Variants in OVCH2 observed in about 807,000 individuals in gnomAD.
OVCH2 encodes the protein ovochymase 2, also known as ovochymase-2.
OVCH2 carries 88 observed loss-of-function variants against 73.7 expected under a neutral mutation model. That is an observed-to-expected ratio of 1.19 (90% CI 1.01 to 1.43). The LOEUF (loss-of-function observed/expected upper bound fraction) is 1.43, where lower values mean the gene tolerates loss of function less well. OVCH2 is among the 40% of genes most tolerant of loss of function. OVCH2 has a pLI of 0.00. For missense variants in OVCH2, 706 were observed against 674.5 expected (o/e 1.05, Z -0.52); for synonymous variants, 265 against 234.5 (o/e 1.13, Z -1.19).
chr11:7,706,439 C>G lies in OVCH2; in HGVS notation c.-45G>C. On this transcript the variant is annotated 5_prime_UTR_variant, in exon 1 of 16. Coordinates refer to ENST00000533663, the MANE Select transcript of OVCH2 (RefSeq NM_198185.7). The stretch of plus-strand genomic sequence containing the variant: ...CCCTGAAATTTTAGAGAGACTAAAG[C>G]AAACAAAAATAGGAAGCCTTGAGAG... 1 of 1,527,030 alleles carries G rather than the reference C, an allele frequency of 6.5e-7. No homozygotes were observed. Among genetic ancestry groups the G allele is most frequent in the Non-Finnish European group, 8.8e-7 (1 of 1,139,730 alleles). 94.6% of individuals were successfully genotyped at this position (1,527,030 alleles called of 1,614,324 possible). A position where few individuals can be genotyped will look rare whatever the true frequency, so the allele number is the denominator to read the frequency against.
chr11:7,679,146 A>T, the OVCH2 span, among the ~76,000 whole-genome samples: 1 of 152,214 alleles, frequency 6.6e-6, no homozygotes. Flanking sequence ...CAACCTATGA[A>T]TGCTACCTTT....
chr11:7,687,338 T>TAATAATAAA (rs1856153844), downstream of OVCH2, among the ~76,000 whole-genome samples: 1 of 147,054 alleles, frequency 6.8e-6, no homozygotes, highest in Non-Finnish European at 1.5e-5. Flanking sequence ...ATAATAATAA[T>TAATAATAAA]AATAAAGCCT....
chr11:7,695,730 G>A lies in OVCH2; in HGVS notation c.1142-20C>T, dbSNP rs1173551118. On this transcript the variant is annotated intron_variant, in intron 10 of 15. Transcript: ENST00000533663. ...ATTTTCCTGCAGGATGAGAAAAAAG[G>A]ATTCTTTGTTCAGAATCTAGAAAAT... The A allele has an allele frequency of 3.0e-5, 48 of 1,593,714 alleles. No individual in the cohort carries two copies. The highest frequency in any genetic ancestry group is 4.0e-5 in the Non-Finnish European group (47 of 1,169,690).
At chr11:7,685,813 G>A (rs34743211), downstream of OVCH2, among the ~76,000 whole-genome samples, 1 of 152,088 alleles carries the variant, frequency 6.6e-6, no homozygotes, top group Non-Finnish European at 1.5e-5. Flanking sequence ...GCATGTCACA[G>A]GTGTTCAGTA....
downstream of OVCH2, among the ~76,000 whole-genome samples, chr11:7,688,596 C>T (rs561400800): frequency 3.1e-4 from 47 of 152,234 alleles, no homozygotes; most frequent in African/African-American, 1.1e-3. Flanking sequence ...CCGACTCTCT[C>T]TATTATTCTG....
chr11:7,701,598 C>A, intron 5 of OVCH2, 118 bp downstream of exon 5: 2 of 1,463,142 alleles, frequency 1.4e-6, no homozygotes, highest in South Asian at 1.3e-5. Context: ...GTGACATTCC[C>A]TATCTTTAGA....
intron 6 of OVCH2, 148 bp from the exon 7 acceptor site, chr11:7,700,633 C>T (rs1045340742): frequency 2.3e-6 from 2 of 873,784 alleles, no homozygotes; most frequent in Non-Finnish European, 3.4e-6. Flanking sequence ...TATACAGATC[C>T]CAGCACAATT....
At chr11:7,693,124 T>C (rs990746378) in intron 12 of OVCH2, among the ~76,000 whole-genome samples, 5 of 151,556 alleles carry the variant, frequency 3.3e-5, no homozygotes, top group African/African-American at 1.2e-4. Flanking sequence ...GAATTTGAAG[T>C]GAAGAGTGGT....
the OVCH2 span, among the ~76,000 whole-genome samples, chr11:7,679,653 T>C: frequency 6.6e-6 from 1 of 152,194 alleles, no homozygotes; most frequent in African/African-American, 2.4e-5. Flanking sequence ...CATGCAAAAC[T>C]GTGAGTCAAT....
At chr11:7,696,390 C>G (rs1462582908) in intron 10 of OVCH2, 75 bp downstream of exon 10, 6 of 1,574,018 alleles carry the variant, frequency 3.8e-6, no homozygotes, top group Non-Finnish European at 3.5e-6. Flanking sequence ...GGCTGAGTGC[C>G]AGACATAAGA....
chr11:7,696,375 C>G, intron 10 of OVCH2, 90 bp downstream of exon 10: 1 of 1,527,678 alleles, frequency 6.5e-7, no homozygotes, highest in Non-Finnish European at 8.9e-7. Flanking sequence ...GTGGCATTTA[C>G]AGATGGCTGA....
In OVCH2 at chr11:7,696,350, C is replaced by T. The variant is rs895888106; in HGVS notation, c.1141+115G>A. 10 of 1,406,252 alleles carry T rather than the reference C, an allele frequency of 7.1e-6. No homozygotes were observed. The East Asian group carries it at 1.2e-4, about 17-fold the overall frequency. 87.1% of individuals were successfully genotyped at this position (1,406,252 alleles called of 1,614,324 possible). On this transcript the variant is annotated intron_variant, in intron 10 of 15. Coordinates refer to ENST00000533663, the MANE Select transcript of OVCH2 (RefSeq NM_198185.7). ...CCACTCCCAATTCTGAGTCTCAAAG[C>T]GGAAGTCAAGAAGTGTGGCATTTAC...
chr11:7,682,139 T>A, the OVCH2 span, among the ~76,000 whole-genome samples: 1 of 152,202 alleles, frequency 6.6e-6, no homozygotes, highest in Non-Finnish European at 1.5e-5. Flanking sequence ...AGCATTACAA[T>A]GAAACATCAT....
intron 1 of OVCH2, 94 bp from the exon 2 acceptor site, chr11:7,704,768 T>C: frequency 1.4e-6 from 1 of 738,042 alleles, no homozygotes; most frequent in Non-Finnish European, 2.3e-6. Context: ...AGTCTGAGAC[T>C]ATGGTGTATG....
chr11:7,700,971 C>T (rs1198561266), intron 6 of OVCH2, among the ~76,000 whole-genome samples: 1 of 152,206 alleles, frequency 6.6e-6, no homozygotes, highest in African/African-American at 2.4e-5. Flanking sequence ...TCTTTTAAAT[C>T]ACACTTCCTG....
At chr11:7,703,037 G>T (rs1337235403) in intron 3 of OVCH2, among the ~76,000 whole-genome samples, 1 of 152,204 alleles carries the variant, frequency 6.6e-6, no homozygotes, top group Non-Finnish European at 1.5e-5. Context: ...GTTAAAAGAA[G>T]AGTCAACTCT....
chr11:7,705,647 A>T, intron 1 of OVCH2: 1 of 152,224 alleles, frequency 6.6e-6, no homozygotes, highest in East Asian at 1.9e-4. Flanking sequence ...GCAGAGCATG[A>T]ATGTAACAGT....
chr11:7,700,096 A>C (rs1856406320), intron 7 of OVCH2, 200 bp downstream of exon 7: 1 of 562,638 alleles, frequency 1.8e-6, no homozygotes, highest in Admixed American at 3.2e-5. Flanking sequence ...TTTTCATTGA[A>C]TATCTGCATG....
chr11:7,697,162 G>A (rs1236855781), intron 8 of OVCH2, among the ~76,000 whole-genome samples: 1 of 151,984 alleles, frequency 6.6e-6, no homozygotes, highest in East Asian at 1.9e-4. Context: ...TCAGCCTGTC[G>A]GGCAGCTGAG....
Sources: allele counts gnomAD v4.1 joint callset (sites outside exome capture counted in the v4.1 genomes callset), GRCh38; gene constraint gnomAD v4.1.1; transcripts MANE v1.5; gene names NCBI Gene and HGNC (gene_info 2026-07-23, HGNC 2026-07-21).